The following PLEKHH2 variants were observed in gnomAD, a reference collection of about 807,000 sequenced individuals.
PLEKHH2 encodes pleckstrin homology domain-containing family H member 2.
Under a neutral mutation model 187.9 loss-of-function variants are expected in PLEKHH2, and 129 were observed. That is an observed-to-expected ratio of 0.69 (90% CI 0.59 to 0.79). The LOEUF (loss-of-function observed/expected upper bound fraction) is 0.79. Among genes scored for constraint, PLEKHH2 ranks in the 30% least tolerant of loss-of-function variants. The probability of loss-of-function intolerance (pLI) is 0.00; values close to 1 mark genes in which losing one functional copy is unlikely to be tolerated. For missense variants in PLEKHH2, 2,076 were observed against 1,751.2 expected, an observed-to-expected ratio of 1.19 and a Z score of -3.31; for synonymous variants, 686 against 605.6, an observed-to-expected ratio of 1.13 and a Z score of -1.95.
chr2:43,758,814 C>G, intron 26 of PLEKHH2, 86 bp from the exon 27 acceptor site: 2 of 1,221,622 alleles, frequency 1.6e-6, no homozygotes, highest in Non-Finnish European at 2.2e-6. Context: ...AGGATTGGCT[C>G]AAGGAGAGTT....
At position 43,700,032 on chromosome 2, in the gene PLEKHH2, A is replaced by G. The variant is rs1317205727; in HGVS notation, c.1074A>G (p.Ala358=). Residue 358 remains alanine (A), a synonymous_variant, in exon 8 of 30, where the codon GCA becomes GCG. Transcript: ENST00000282406. ...AGCTATATTCTTGGCAGCAGGAGGCACAGTGGAAAGCTCTAAATAGTCCTC... is the reference window on the plus strand; with the variant it reads ...AGCTATATTCTTGGCAGCAGGAGGCGCAGTGGAAAGCTCTAAATAGTCCTC... ...HKKLYSWQQE[A]QWKALNSPLG... 2.5e-6 allele frequency: 4 copies of G among 1,614,222 alleles called. No individual in the cohort carries two copies. The highest frequency in any genetic ancestry group is 2.2e-5 in the South Asian group (2 of 91,086).
intron 25 of PLEKHH2, 103 bp downstream of exon 25, chr2:43,753,863 G>A (rs1281165528): frequency 8.5e-6 from 9 of 1,059,414 alleles, no homozygotes; most frequent in African/African-American, 6.7e-5. Flanking sequence ...CTTTACATTC[G>A]TTTTGCTACA....
At chr2:43,653,072 C>T (rs1287072717) in intron 2 of PLEKHH2, among the ~76,000 whole-genome samples, 2 of 151,920 alleles carry the variant, frequency 1.3e-5, no homozygotes, top group Non-Finnish European at 2.9e-5. Context: ...TTTAGAGGTC[C>T]AGTTCAATAT....
intron 6 of PLEKHH2, 94 bp downstream of exon 6, chr2:43,695,318 C>T: frequency 1.7e-6 from 1 of 573,606 alleles, no homozygotes; most frequent in Non-Finnish European, 2.8e-6. Flanking sequence ...TTATGGATGT[C>T]ATCCAAGAAG....
In PLEKHH2 at chr2:43,765,637, G is replaced by C. The variant is rs927959484; in HGVS notation, c.*39G>C. 1.4e-5 allele frequency: 23 copies of C among 1,589,648 alleles called. No homozygotes were observed. Among genetic ancestry groups the C allele is most frequent in the Non-Finnish European group, 2.0e-5 (23 of 1,168,634 alleles). Reference sequence around the variant, plus strand: ...TGAACATTCACTCCTTGTCCTCCATGCTGTGGCTGTATCAGCTCCCTACAA... The same window carrying C: ...TGAACATTCACTCCTTGTCCTCCATCCTGTGGCTGTATCAGCTCCCTACAA... On this transcript the variant is annotated 3_prime_UTR_variant, in exon 30 of 30. Coordinates refer to ENST00000282406, the MANE Select transcript of PLEKHH2 (RefSeq NM_172069.4).
chr2:43,726,804 G>A (rs1287696618), intron 17 of PLEKHH2, among the ~76,000 whole-genome samples: 1 of 152,088 alleles, frequency 6.6e-6, no homozygotes, highest in Non-Finnish European at 1.5e-5. Context: ...CTTAGATACA[G>A]TAGAAAATTA....
intron 6 of PLEKHH2, among the ~76,000 whole-genome samples, chr2:43,696,828 T>G (rs1669115856): frequency 6.6e-6 from 1 of 152,232 alleles, no homozygotes; most frequent in Admixed American, 6.5e-5. Flanking sequence ...GAACTGGTAT[T>G]TGTCAATACT....
At chr2:43,761,759 C>T (rs1246685815) in intron 27 of PLEKHH2, among the ~76,000 whole-genome samples, 1 of 152,068 alleles carries the variant, frequency 6.6e-6, no homozygotes, top group Admixed American at 6.6e-5. Flanking sequence ...TTTCATATTT[C>T]TCATTACTAT....
intron 14 of PLEKHH2, 79 bp downstream of exon 14, chr2:43,710,654 G>C: frequency 6.7e-7 from 1 of 1,501,838 alleles, no homozygotes; most frequent in Non-Finnish European, 8.8e-7. Context: ...TAATGGAAAG[G>C]AGATAGGATA....
intron 15 of PLEKHH2, among the ~76,000 whole-genome samples, chr2:43,714,173 A>G (rs1362516832): frequency 6.6e-6 from 1 of 152,218 alleles, no homozygotes; most frequent in Non-Finnish European, 1.5e-5. Context: ...AGATGATCCC[A>G]TGGCTAAGGG....
At chr2:43,695,953 T>C (rs1398692737) in intron 6 of PLEKHH2, among the ~76,000 whole-genome samples, 2 of 152,176 alleles carry the variant, frequency 1.3e-5, no homozygotes, top group Non-Finnish European at 2.9e-5. Context: ...CCATGTGTTC[T>C]TAGATGCCTG....
At chr2:43,666,163 A>C (rs974794409) in intron 2 of PLEKHH2, among the ~76,000 whole-genome samples, 5 of 149,604 alleles carry the variant, frequency 3.3e-5, no homozygotes, top group Non-Finnish European at 7.4e-5. Context: ...CAGGTGTGGG[A>C]TATAGTCTCG....
intron 23 of PLEKHH2, among the ~76,000 whole-genome samples, chr2:43,744,621 A>C (rs1456669764): frequency 6.6e-6 from 1 of 152,206 alleles, no homozygotes; most frequent in Non-Finnish European, 1.5e-5. Flanking sequence ...TAATCCAAGC[A>C]CTTTGGGAGG....
At chr2:43,723,373 A>G (rs1670581381) in intron 16 of PLEKHH2, among the ~76,000 whole-genome samples, 1 of 152,176 alleles carries the variant, frequency 6.6e-6, no homozygotes, top group Non-Finnish European at 1.5e-5. Context: ...CCAAGACATA[A>G]AGGTGAACAC....
At chr2:43,677,318 T>C (rs973822909) in intron 2 of PLEKHH2, among the ~76,000 whole-genome samples, 3 of 152,132 alleles carry the variant, frequency 2.0e-5, no homozygotes, top group African/African-American at 4.8e-5. Flanking sequence ...CAAAGGTCTC[T>C]GGTTTTCCTA....
chr2:43,647,537 G>T (rs1666239804), intron 2 of PLEKHH2, among the ~76,000 whole-genome samples: 1 of 151,948 alleles, frequency 6.6e-6, no homozygotes, highest in Admixed American at 6.6e-5. Flanking sequence ...ATCCACTTCT[G>T]CTTGGGGGCA....
Position 43,677,873 on chromosome 2 carries a change from G to T in PLEKHH2, c.124-990G>T, listed in dbSNP as rs551922793. ...TCCCGGACGGGGCGGCTGGCCGGGCGGGGGGCTGATCTCCCCACCTCCCTC... is the reference window on the plus strand; with the variant it reads ...TCCCGGACGGGGCGGCTGGCCGGGCTGGGGGCTGATCTCCCCACCTCCCTC... On this transcript the variant is annotated intron_variant, in intron 2 of 29. Coordinates refer to ENST00000282406, the MANE Select transcript of PLEKHH2 (RefSeq NM_172069.4). 2.0e-3 allele frequency among the ~76,000 whole-genome samples: 300 copies of T among 146,636 alleles called. 1 individual carries two copies. Among genetic ancestry groups the T allele is most frequent in the African/African-American group, 7.2e-3 (286 of 39,568 alleles).
At chr2:43,761,537 A>G (rs530828854) in intron 27 of PLEKHH2, among the ~76,000 whole-genome samples, 1 of 151,352 alleles carries the variant, frequency 6.6e-6, no homozygotes, top group South Asian at 2.1e-4. Context: ...CAGCCTCCCA[A>G]GTAGATCGGA....
intron 15 of PLEKHH2, among the ~76,000 whole-genome samples, chr2:43,719,924 G>C (rs1417073491): frequency 6.6e-6 from 1 of 152,104 alleles, no homozygotes; most frequent in Admixed American, 6.5e-5. Context: ...TTAACCTAGA[G>C]AGCCACATGG....
Sources: gnomAD v4.1 joint callset for allele counts (sites outside exome capture counted in the v4.1 genomes callset) on GRCh38, gnomAD v4.1.1 for gene constraint, MANE v1.5 for transcripts, NCBI Gene and HGNC (gene_info 2026-07-23, HGNC 2026-07-21) for gene names.